PTPRQ: variants seen among roughly 807,000 people sequenced by gnomAD.
The protein encoded by PTPRQ is phosphatidylinositol phosphatase PTPRQ.
A neutral mutation model predicts 246.0 loss-of-function variants in PTPRQ; 199 were observed. The ratio of observed to expected loss-of-function variants is 0.81; its 90% confidence interval spans 0.72 to 0.91. PTPRQ has a LOEUF of 0.91. Ranked by LOEUF, PTPRQ falls within the 40% of genes least tolerant of loss-of-function variation. PTPRQ has a pLI of 0.00. For missense variants in PTPRQ, 2,624 were observed against 2,528.4 expected, an observed-to-expected ratio of 1.04 and a Z score of -0.81; for synonymous variants, 869 against 853.2, an observed-to-expected ratio of 1.02 and a Z score of -0.32.
At chr12:80,464,301 T>C (rs1392372249) in intron 6 of PTPRQ, among the ~76,000 whole-genome samples, 1 of 114,630 alleles carries the variant, frequency 8.7e-6, no homozygotes, top group African/African-American at 3.5e-5. Flanking sequence ...AAGGGATCAA[T>C]TCAACAAGAA....
At position 80,506,169 on chromosome 12, in the gene PTPRQ, A is replaced by C; in HGVS notation, c.2418A>C (p.Arg806Ser). 6.6e-7 allele frequency: 1 copy of C among 1,523,056 alleles called. No individual in the cohort carries two copies. The highest frequency in any genetic ancestry group is 8.8e-7 in the Non-Finnish European group (1 of 1,136,764). The allele number at this position is 1,523,056 out of a possible 1,614,324, so 94.3% of individuals were successfully genotyped here. The change falls in exon 15 of 45, where the codon AGA becomes AGC. Residue 806 changes from arginine to serine, a missense_variant. Arg to Ser is a moderately radical substitution (Grantham distance 110). Transcript: ENST00000644991. ...YLKRSNGNEE[R>S]TINTTSLTQN... is the part of the protein sequence containing the mutation. The stretch of plus-strand genomic sequence containing the variant: ...AGAGAAGTAATGGAAATGAGGAAAG[A>C]ACTATAAATACAACCTCTTTAACCC...
At chr12:80,646,339 G>A (rs1231144625) in intron 35 of PTPRQ, among the ~76,000 whole-genome samples, 2 of 152,148 alleles carry the variant, frequency 1.3e-5, no homozygotes, top group African/African-American at 4.8e-5. Flanking sequence ...AATTGTTCAA[G>A]CAGGTATTTG....
At position 80,539,884 on chromosome 12, in the gene PTPRQ, A is replaced by T; in HGVS notation, c.3094A>T (p.Thr1032Ser). The change falls in exon 20 of 45, where the codon ACT becomes TCT. Residue 1032 changes from threonine to serine, a missense_variant. Physicochemically the swap from Thr to Ser is moderately conservative, Grantham distance 58 (BLOSUM62 1). Coordinates refer to ENST00000644991, the MANE Select transcript of PTPRQ (RefSeq NM_001145026.2). ...CTATACATTTTGGTTAACAGCAAGT[A>T]CTTCAGTTGGAAATGGGAATAAAAG... ...SYYTFWLTAS[T>S]SVGNGNKSSD... is the part of the protein sequence containing the mutation. 6.5e-7 allele frequency: 1 copy of T among 1,549,382 alleles called. No homozygotes were observed. The highest frequency in any genetic ancestry group is 8.7e-7 in the Non-Finnish European group (1 of 1,145,782).
rs560930818 is a variant in PTPRQ, at chr12:80,609,477, T to A, written c.4732-962T>A. Among the ~76,000 whole-genome samples, 51 of 150,754 alleles carry A rather than the reference T, an allele frequency of 3.4e-4. 1 individual carries two copies. In the South Asian group the frequency reaches 0.01, roughly 30 times the overall value. On this transcript the variant is annotated intron_variant, in intron 27 of 44. Coordinates refer to ENST00000644991, the MANE Select transcript of PTPRQ (RefSeq NM_001145026.2). ...AGATACCTGAAAGTAGTATGTATGA[T>A]AGGATTTTGAATTTTCTCATGGTTA... is the stretch of plus-strand genomic sequence containing the variant.
At chr12:80,601,335 G>A (rs1486611667) in intron 26 of PTPRQ, among the ~76,000 whole-genome samples, 2 of 151,730 alleles carry the variant, frequency 1.3e-5, no homozygotes, top group African/African-American at 4.8e-5. Flanking sequence ...TGCCTGGCAT[G>A]CCATAGGTGT....
chr12:80,534,736 T>G (rs1411008701), intron 18 of PTPRQ, among the ~76,000 whole-genome samples, 156 bp from the exon 19 acceptor site: 1 of 152,048 alleles, frequency 6.6e-6, no homozygotes, highest in Non-Finnish European at 1.5e-5. Context: ...TGACCCAATG[T>G]GTTTTATGGA....
intron 19 of PTPRQ, among the ~76,000 whole-genome samples, chr12:80,537,121 G>A (rs140149276): frequency 2.0e-3 from 309 of 152,318 alleles, no homozygotes; most frequent in Non-Finnish European, 2.6e-3. Context: ...TGTGACAGCT[G>A]CAAGAGGGCA....
chr12:80,508,733 G>T (rs765746259), intron 16 of PTPRQ, among the ~76,000 whole-genome samples: 9 of 152,094 alleles, frequency 5.9e-5, no homozygotes, highest in Non-Finnish European at 1.2e-4. Flanking sequence ...AACTTAGTCT[G>T]CTACAGTGGA....
intron 25 of PTPRQ, among the ~76,000 whole-genome samples, chr12:80,572,831 A>G (rs146218810): frequency 4.2e-4 from 64 of 152,268 alleles, no homozygotes; most frequent in Non-Finnish European, 6.8e-4. Flanking sequence ...GTTAAATTAT[A>G]TTTACATTCC....
At position 80,541,628 on chromosome 12, in the gene PTPRQ, AC is replaced by A; in HGVS notation, c.3230del (p.Pro1077ArgfsTer7). 6.5e-7 allele frequency: 1 copy of A among 1,548,722 alleles called. No homozygotes were observed. Among genetic ancestry groups the A allele is most frequent in the Non-Finnish European group, 8.7e-7 (1 of 1,145,620 alleles). ...STAINVSWVPPAQPNGLVFYY... is the reference protein window; with the variant it reads ...STAINVSWVPXAQPNGLVFYY... ...CTGCAATAAATGTAAGCTGGGTCCC[AC>A]CGGCTCAACCAAACGGTCTAGTCTT... On this transcript the variant is annotated frameshift_variant, in exon 21 of 45. Transcript: ENST00000644991. LOFTEE classifies it high-confidence loss of function.
At chr12:80,476,822 C>T (rs11114471) in intron 8 of PTPRQ, among the ~76,000 whole-genome samples, 10,099 of 152,092 alleles carry the variant, frequency 0.066, 861 homozygotes, top group African/African-American at 0.19. Flanking sequence ...AATTTTATGC[C>T]ATTTTCTCTT....
At chr12:80,568,060 T>C (rs895940658) in intron 25 of PTPRQ, among the ~76,000 whole-genome samples, 1 of 152,192 alleles carries the variant, frequency 6.6e-6, no homozygotes, top group Non-Finnish European at 1.5e-5. Flanking sequence ...TACATAGTAG[T>C]ATAGGACTAA....
At chr12:80,541,073 T>C (rs1896136382) in intron 20 of PTPRQ, among the ~76,000 whole-genome samples, 1 of 152,038 alleles carries the variant, frequency 6.6e-6, no homozygotes, top group Non-Finnish European at 1.5e-5. Flanking sequence ...GACTAGATCT[T>C]GGGAAAGCTT....
In PTPRQ at chr12:80,598,365, C is replaced by T. The variant is rs117785155; in HGVS notation, c.4610-6694C>T. Among the ~76,000 whole-genome samples the T allele has an allele frequency of 7.9e-5, 12 of 152,010 alleles. No homozygotes were observed. The East Asian group carries it at 1.4e-3, about 17-fold the overall frequency. ...AACATCCAAACTACAAAAGGATAGC[C>T]AGTTATCAAAGTGTTTTAACCAGTG... On this transcript the variant is annotated intron_variant, in intron 26 of 44. Coordinates refer to ENST00000644991, the MANE Select transcript of PTPRQ (RefSeq NM_001145026.2).
At chr12:80,594,562 C>T (rs1897906558) in intron 26 of PTPRQ, among the ~76,000 whole-genome samples, 1 of 152,084 alleles carries the variant, frequency 6.6e-6, no homozygotes, top group Non-Finnish European at 1.5e-5. Flanking sequence ...CACTTAGGTT[C>T]CCATAGACAT....
At chr12:80,678,787 A>G in intron 44 of PTPRQ, 62 bp downstream of exon 44, 1 of 1,474,376 alleles carries the variant, frequency 6.8e-7, no homozygotes, top group Non-Finnish European at 9.0e-7. Context: ...AAGAACATAA[A>G]TTTCAGAATA....
intron 7 of PTPRQ, among the ~76,000 whole-genome samples, chr12:80,470,270 T>C (rs1198804787): frequency 6.6e-6 from 1 of 152,164 alleles, no homozygotes; most frequent in Non-Finnish European, 1.5e-5. Context: ...TACTAACAGA[T>C]AATTTGTCCA....
intron 25 of PTPRQ, among the ~76,000 whole-genome samples, chr12:80,585,130 TG>T (rs1897568972): frequency 6.6e-6 from 1 of 152,078 alleles, no homozygotes; most frequent in Admixed American, 6.6e-5. Flanking sequence ...TTTCTCCTTC[TG>T]GGTGTCTGAG....
intron 10 of PTPRQ, among the ~76,000 whole-genome samples, chr12:80,494,519 C>CTT (rs1894548598): frequency 6.6e-6 from 1 of 151,890 alleles, no homozygotes; most frequent in African/African-American, 2.4e-5. Context: ...TTCTTTAACT[C>CTT]TTCTACTAAA....
Sources: allele counts gnomAD v4.1 joint callset (sites outside exome capture counted in the v4.1 genomes callset), GRCh38; gene constraint gnomAD v4.1.1; transcripts MANE v1.5; gene names NCBI Gene and HGNC (gene_info 2026-07-23, HGNC 2026-07-21).